Variants in KIAA0319L observed in about 807,000 individuals in gnomAD.
KIAA0319L encodes dyslexia-associated protein KIAA0319-like protein.
In KIAA0319L, 55 loss-of-function variants were observed where a neutral mutation model predicts 120.1. That is an observed-to-expected ratio of 0.46 (90% CI 0.37 to 0.57). KIAA0319L has a LOEUF of 0.57. Among genes scored for constraint, KIAA0319L ranks in the 20% least tolerant of loss-of-function variants. KIAA0319L has a pLI of 0.00. For missense variants in KIAA0319L, 1,049 were observed against 1,255.3 expected, an observed-to-expected ratio of 0.84 and a Z score of 2.48; for synonymous variants, 398 against 471.9, an observed-to-expected ratio of 0.84 and a Z score of 2.03.
At chr1:35,473,744 T>C (rs1337700862) in intron 5 of KIAA0319L, among the ~76,000 whole-genome samples, 1 of 152,198 alleles carries the variant, frequency 6.6e-6, no homozygotes, top group Non-Finnish European at 1.5e-5. Flanking sequence ...TAATATGCTA[T>C]TTGGTATTAG....
chr1:35,450,978 CT>C (rs1460735174), intron 13 of KIAA0319L, among the ~76,000 whole-genome samples: 1 of 152,236 alleles, frequency 6.6e-6, no homozygotes, highest in Non-Finnish European at 1.5e-5. Flanking sequence ...AGAGCTACCT[CT>C]CTTATTCGGA....
intron 2 of KIAA0319L, among the ~76,000 whole-genome samples, chr1:35,544,915 G>A (rs1646926749): frequency 6.6e-6 from 1 of 152,170 alleles, no homozygotes; most frequent in Non-Finnish European, 1.5e-5. Context: ...CCCCATAACT[G>A]CCCAGCTGTA....
intron 2 of KIAA0319L, among the ~76,000 whole-genome samples, chr1:35,541,322 G>A (rs1015231093): frequency 6.1e-5 from 9 of 147,512 alleles, no homozygotes; most frequent in Admixed American, 1.4e-4. Flanking sequence ...GACAAACTCT[G>A]CAAGCTACTT....
intron 3 of KIAA0319L, among the ~76,000 whole-genome samples, chr1:35,481,814 CTTTTTTTTTTTTTTT>C (rs747721221): frequency 1.0e-4 from 5 of 48,946 alleles, no homozygotes; most frequent in African/African-American, 1.6e-4. Flanking sequence ...TCTGCTGTTT[CTTTTTTTTTTTTTTT>C]TTTTTTTTTT....
chr1:35,541,702 C>A (rs1054603770), intron 2 of KIAA0319L, among the ~76,000 whole-genome samples: 1 of 152,266 alleles, frequency 6.6e-6, no homozygotes, highest in East Asian at 1.9e-4. Context: ...CAGCCCCAGT[C>A]AAAACACTGT....
At chr1:35,481,955 G>T (rs1644188943) in intron 3 of KIAA0319L, among the ~76,000 whole-genome samples, 1 of 150,584 alleles carries the variant, frequency 6.6e-6, no homozygotes, top group African/African-American at 2.4e-5. Context: ...CTCCTGAGTA[G>T]CTGGGACTAC....
rs1236745021 is a variant in KIAA0319L, at chr1:35,437,325, C to T, written c.2963-2244G>A. Among the ~76,000 whole-genome samples, 4 of 152,124 alleles carry T rather than the reference C, an allele frequency of 2.6e-5. No homozygotes were observed. Among genetic ancestry groups the T allele is most frequent in the Non-Finnish European group, 5.9e-5 (4 of 68,008 alleles). The stretch of plus-strand genomic sequence containing the variant: ...ATGCTCCCTTTCTCTCCTCTCTTCC[C>T]TTCTCCCTCCTTCCTCCTCAGTCAG... On this transcript the variant is annotated intron_variant, in intron 20 of 20. Coordinates refer to ENST00000325722, the MANE Select transcript of KIAA0319L (RefSeq NM_024874.5). This position sits in a 1 kb window ranked among gnomAD's most constrained non-coding sequence, Gnocchi z 4.1.
rs570610726 is a variant in KIAA0319L at position 35,504,266 on chromosome 1, C to G, written c.666+2346G>C. ...GGCTGGAGTGCAGTGGCGCAATCTT[C>G]GCTCACTGCAAGCTCCACCTCCCAG... On this transcript the variant is annotated intron_variant, in intron 3 of 20. Coordinates refer to ENST00000325722, the MANE Select transcript of KIAA0319L (RefSeq NM_024874.5). Among the ~76,000 whole-genome samples the G allele has an allele frequency of 7.3e-4, 111 of 151,652 alleles. 1 individual carries two copies. The highest frequency in any genetic ancestry group is 2.2e-3 in the African/African-American group (92 of 41,364).
chr1:35,440,772 C>G, intron 20 of KIAA0319L: 1 of 458,404 alleles, frequency 2.2e-6, no homozygotes, highest in Non-Finnish European at 4.0e-6. Flanking sequence ...AAGCGGAACT[C>G]CAGGTGGGAA....
chr1:35,504,352 A>G (rs1438033880), intron 3 of KIAA0319L, among the ~76,000 whole-genome samples: 1 of 151,646 alleles, frequency 6.6e-6, no homozygotes, highest in Non-Finnish European at 1.5e-5. Flanking sequence ...GCCTGCCACC[A>G]CGCCCGGCTA....
At chr1:35,482,136 C>CTA (rs1644197700) in intron 3 of KIAA0319L, among the ~76,000 whole-genome samples, 1 of 151,298 alleles carries the variant, frequency 6.6e-6, no homozygotes, top group Admixed American at 6.6e-5. Flanking sequence ...CTTTCTGTTT[C>CTA]TATAGTTTGC....
chr1:35,537,895 TAC>T (rs1035716837), intron 2 of KIAA0319L, among the ~76,000 whole-genome samples: 1 of 152,182 alleles, frequency 6.6e-6, no homozygotes, highest in African/African-American at 2.4e-5. Context: ...TCTCTAGACT[TAC>T]AGAGCTGTAC....
At chr1:35,513,105 A>G (rs983067711) in intron 2 of KIAA0319L, among the ~76,000 whole-genome samples, 21 of 151,098 alleles carry the variant, frequency 1.4e-4, no homozygotes, top group Non-Finnish European at 2.7e-4. Context: ...AATATTTACT[A>G]TCTGGCCCCT....
At chr1:35,535,849 C>G (rs528948764) in intron 2 of KIAA0319L, among the ~76,000 whole-genome samples, 3 of 152,274 alleles carry the variant, frequency 2.0e-5, no homozygotes, top group African/African-American at 7.2e-5. Context: ...ACACTCTGCC[C>G]TCTTTAAGTG....
intron 4 of KIAA0319L, 23 bp from the exon 5 acceptor site, chr1:35,474,929 A>G: frequency 7.8e-7 from 1 of 1,287,486 alleles, no homozygotes. Flanking sequence ...TAAATATACC[A>G]GAGATAAGAA....
chr1:35,519,200 G>A (rs1002805841), intron 2 of KIAA0319L, among the ~76,000 whole-genome samples: 2 of 152,064 alleles, frequency 1.3e-5, no homozygotes, highest in East Asian at 1.9e-4. Context: ...AATTTTGAGA[G>A]GAAAATAAAT....
chr1:35,435,693 A>C (rs895825086), intron 20 of KIAA0319L: 2 of 152,448 alleles, frequency 1.3e-5, no homozygotes, highest in African/African-American at 4.8e-5. Flanking sequence ...CAAGCAGCCA[A>C]ATCACAGAAC....
At chr1:35,439,911 G>C (rs1641076316) in intron 20 of KIAA0319L, 1 of 152,174 alleles carries the variant, frequency 6.6e-6, no homozygotes, top group African/African-American at 2.4e-5. Flanking sequence ...GCTCACAAAG[G>C]CCACATCTAC....
At position 35,434,819 on chromosome 1, in the gene KIAA0319L, G is replaced by A. The variant is rs1361307728; in HGVS notation, c.*75C>T. 9.8e-6 allele frequency: 13 copies of A among 1,324,390 alleles called. No homozygotes were observed. The highest frequency in any genetic ancestry group is 1.4e-5 in the Non-Finnish European group (13 of 955,528). The allele number at this position is 1,324,390 out of a possible 1,614,324, so 82.0% of individuals were successfully genotyped here. Reference sequence around the variant, plus strand: ...ACCAGCAGATGCTGGGACAGCAGCTGCCCGCAGACTCGGGAGGTAGGAGGA... The same window carrying A: ...ACCAGCAGATGCTGGGACAGCAGCTACCCGCAGACTCGGGAGGTAGGAGGA... On this transcript the variant is annotated 3_prime_UTR_variant, in exon 21 of 21. Transcript: ENST00000325722.
Sources: allele counts gnomAD v4.1 joint callset (sites outside exome capture counted in the v4.1 genomes callset), GRCh38; gene constraint gnomAD v4.1.1; non-coding constraint Gnocchi (gnomAD v3.1); transcripts MANE v1.5; gene names NCBI Gene and HGNC (gene_info 2026-07-23, HGNC 2026-07-21).